Variants in POTEI observed in about 807,000 individuals in gnomAD.
POTEI encodes the protein POTE ankyrin domain family, member I.
Under a neutral mutation model 43.4 loss-of-function variants are expected in POTEI, and 14 were observed. That is an observed-to-expected ratio of 0.32 (90% CI 0.21 to 0.50). The LOEUF is 0.50. POTEI is among the 20% of genes least tolerant of loss of function. The pLI is 0.98. For missense variants in POTEI, 235 were observed against 795.4 expected, an observed-to-expected ratio of 0.30 and a Z score of 8.47; for synonymous variants, 95 against 297.9, an observed-to-expected ratio of 0.32 and a Z score of 7.01.
At chr2:130,477,509 A>T (rs1355009211) in intron 10 of POTEI, among the ~76,000 whole-genome samples, 2 of 150,774 alleles carry the variant, frequency 1.3e-5, no homozygotes, top group Admixed American at 6.6e-5. Context: ...CCAAATAAAC[A>T]GGTACCTCCT....
intron 1 of POTEI, among the ~76,000 whole-genome samples, chr2:130,507,333 CACACATAT>C (rs1358618665): frequency 1.6e-5 from 1 of 60,700 alleles, no homozygotes. Context: ...CACACACACA[CACACATAT>C]ATATGTATAT....
chr2:130,479,362 C>A (rs1183732609), intron 10 of POTEI, among the ~76,000 whole-genome samples: 1 of 143,002 alleles, frequency 7.0e-6, no homozygotes, highest in Non-Finnish European at 1.5e-5. Flanking sequence ...TTATTTATTT[C>A]ACCATGGACG....
chr2:130,477,308 C>T (rs1266325029), intron 10 of POTEI, among the ~76,000 whole-genome samples: 1 of 145,342 alleles, frequency 6.9e-6, no homozygotes, highest in Non-Finnish European at 1.5e-5. Context: ...CAAGCACCAC[C>T]ACACCCAGCT....
chr2:130,461,285 C>G lies in POTEI; in HGVS notation c.*1531G>C, dbSNP rs2969457. On this transcript the variant is annotated 3_prime_UTR_variant, in exon 15 of 15. Transcript: ENST00000451531. ...ACTCTGAAGCCCTAAGGCTGAAATG[C>G]CTGGGTCGCCCCAACAGCAAAGATG... 3.3e-5 allele frequency: 5 copies of G among 152,190 alleles called. No individual in the cohort carries two copies. Among genetic ancestry groups the G allele is most frequent in the East Asian group, 1.9e-4 (1 of 5,158 alleles). 9.4% of individuals were successfully genotyped at this position (152,190 alleles called of 1,614,324 possible).
intron 10 of POTEI, among the ~76,000 whole-genome samples, chr2:130,477,441 A>G (rs1265294200): frequency 6.7e-6 from 1 of 149,430 alleles, no homozygotes; most frequent in Admixed American, 6.6e-5. Context: ...ACCTGGCCTT[A>G]TTTTCATCTT....
chr2:130,493,539 C>T (rs1225730685), intron 6 of POTEI, among the ~76,000 whole-genome samples: 1 of 42,450 alleles, frequency 2.4e-5, no homozygotes, highest in African/African-American at 5.8e-5. Context: ...TGACCTGCTG[C>T]TCTTTGCTCT....
At chr2:130,494,042 T>A (rs552885315) in intron 6 of POTEI, among the ~76,000 whole-genome samples, 1,303 of 42,638 alleles carry the variant, frequency 0.031, 476 homozygotes, top group African/African-American at 0.069. Flanking sequence ...CTTCCATCAA[T>A]CCCAGCAAAC....
intron 13 of POTEI, among the ~76,000 whole-genome samples, chr2:130,468,362 A>T (rs1351832913): frequency 6.6e-6 from 1 of 152,056 alleles, no homozygotes; most frequent in Non-Finnish European, 1.5e-5. Context: ...TAATTCACAC[A>T]CATACATACC....
chr2:130,468,927 G>T (rs1415068924), intron 13 of POTEI, among the ~76,000 whole-genome samples: 32 of 151,916 alleles, frequency 2.1e-4, no homozygotes, highest in Admixed American at 1.7e-3. Flanking sequence ...CACTAGTATT[G>T]TACAGAGAAA....
rs71250888 is a variant in POTEI, at chr2:130,469,139, CA to C, written c.1779-3368del. ...AACTCTTCTGGTTAAGATGATGTAT[CA>C]AAAAAAAAAATCTTCGTGAGAGCTA... On this transcript the variant is annotated intron_variant, in intron 13 of 14. Coordinates refer to ENST00000451531, the MANE Select transcript of POTEI (RefSeq NM_001277406.2). Among the ~76,000 whole-genome samples the C allele has an allele frequency of 3.8e-3, 427 of 111,328 alleles. 2 individuals are homozygous for C. Among genetic ancestry groups the C allele is most frequent in the African/African-American group, 0.014 (396 of 27,910 alleles). 73.0% of individuals were successfully genotyped at this position (111,328 alleles called of 152,430 possible). A position where few individuals can be genotyped will look rare whatever the true frequency, so the allele number is the denominator to read the frequency against.
At chr2:130,467,494 C>T (rs1291181958) in intron 13 of POTEI, among the ~76,000 whole-genome samples, 12 of 137,814 alleles carry the variant, frequency 8.7e-5, no homozygotes, top group African/African-American at 3.2e-4. Context: ...CTATCTCTCA[C>T]CATATACAAA....
chr2:130,492,756 A>G (rs1411183588), intron 6 of POTEI, among the ~76,000 whole-genome samples: 2 of 124,764 alleles, frequency 1.6e-5, no homozygotes, highest in Non-Finnish European at 3.4e-5. Flanking sequence ...GAGAAATTAT[A>G]ATAAATCACT....
intron 10 of POTEI, among the ~76,000 whole-genome samples, chr2:130,480,328 C>A (rs974594730): frequency 7.1e-6 from 1 of 141,238 alleles, no homozygotes. Flanking sequence ...ATTAAAAAGT[C>A]TATCATAAAC....
chr2:130,483,729 G>C (rs1573924551), intron 9 of POTEI, among the ~76,000 whole-genome samples: 2 of 147,862 alleles, frequency 1.4e-5, no homozygotes, highest in African/African-American at 5.1e-5. Context: ...ATAGCAGCTG[G>C]GACTACAGGC....
rs202126834 is a variant in POTEI at position 130,508,920 on chromosome 2, A to G, written c.316T>C (p.Phe106Leu). 205 of 1,584,696 alleles carry G rather than the reference A, an allele frequency of 1.3e-4. 8 individuals are homozygous for G. The highest frequency in any genetic ancestry group is 1.6e-4 in the Non-Finnish European group (184 of 1,167,872). ...TTGCCGCTCCCCCTGCAGCAGGGGA[A>G]GCAGTGGCAGCACCACTTGCCCATC... ...SKMGKWCCHC[F>L]PCCRGSGKSN... Residue 106 changes from phenylalanine to leucine, a missense_variant, in exon 1 of 15, where the codon TTC (phenylalanine) becomes CTC (leucine). Transcript: ENST00000451531.
At chr2:130,466,404 C>T (rs1456320097) in intron 13 of POTEI, among the ~76,000 whole-genome samples, 1 of 141,920 alleles carries the variant, frequency 7.0e-6, no homozygotes, top group Non-Finnish European at 1.6e-5. Flanking sequence ...CCAGGGATTG[C>T]TAATGGTCTG....
intron 13 of POTEI, among the ~76,000 whole-genome samples, chr2:130,474,089 C>A (rs1410924784): frequency 6.8e-6 from 1 of 147,716 alleles, no homozygotes; most frequent in Non-Finnish European, 1.5e-5. Context: ...ATACAGTTTA[C>A]CTATATAATA....
chr2:130,492,849 A>G (rs1273432025), intron 6 of POTEI, among the ~76,000 whole-genome samples: 6 of 147,920 alleles, frequency 4.1e-5, no homozygotes, highest in Non-Finnish European at 7.5e-5. Context: ...AGCTGTGACA[A>G]TAAAGCAAAG....
chr2:130,464,626 A>G (rs2246831), intron 14 of POTEI, among the ~76,000 whole-genome samples: 1 of 150,672 alleles, frequency 6.6e-6, no homozygotes, highest in Non-Finnish European at 1.5e-5. Context: ...CAAAGTTCTT[A>G]AAGTTCTTTT....
Sources: gnomAD v4.1 joint callset for allele counts (sites outside exome capture counted in the v4.1 genomes callset) on GRCh38, gnomAD v4.1.1 for gene constraint, MANE v1.5 for transcripts, NCBI Gene and HGNC (gene_info 2026-07-23, HGNC 2026-07-21) for gene names.